Variants in EDA observed in about 807,000 individuals in gnomAD.
EDA encodes ectodysplasin-A.
Under a neutral mutation model 23.6 loss-of-function variants are expected in EDA, and 2 were observed. The ratio of observed to expected loss-of-function variants is 0.08; its 90% CI spans 0.03 to 0.27. The LOEUF (loss-of-function observed/expected upper bound fraction) is 0.27, where lower values mean the gene tolerates loss of function less well. Among genes scored for constraint, EDA ranks in the 10% least tolerant of loss-of-function variants. EDA has a pLI of 1.00. For synonymous variants in EDA, 131 were observed against 132.0 expected (o/e 0.99, Z 0.05); for missense variants, 229 against 324.2 (o/e 0.71, Z 2.26).
chrX:69,833,909 C>G (rs940978878), intron 1 of EDA, among the ~76,000 whole-genome samples: 4 of 107,566 alleles, frequency 3.7e-5, no homozygotes, highest in Non-Finnish European at 7.7e-5. Flanking sequence ...CCCATTAACT[C>G]GTCATTTACA....
intron 1 of EDA, among the ~76,000 whole-genome samples, chrX:69,849,638 C>T (rs1394154868): frequency 8.9e-6 from 1 of 112,138 alleles, no homozygotes; most frequent in Admixed American, 9.5e-5. Context: ...TCATTTGGCA[C>T]TTAACGTATA....
intron 1 of EDA, among the ~76,000 whole-genome samples, chrX:69,709,113 T>C (rs1037521987): frequency 8.9e-6 from 1 of 112,284 alleles, no homozygotes; most frequent in Admixed American, 9.4e-5. Context: ...TTAAAACTCT[T>C]TCACAGATGC....
Position 69,744,258 on chromosome X carries a change from GA to G in EDA, c.396+127557del, listed in dbSNP as rs774002038. ...ACATTATCTCATTTTAATCATCACA[GA>G]AACATTCCAAAATAGGTATTCCAGT... is the stretch of plus-strand genomic sequence containing the variant. On this transcript the variant is annotated intron_variant, in intron 1 of 7. Coordinates refer to ENST00000374552, the MANE Select transcript of EDA (RefSeq NM_001399.5). 4.9e-3 allele frequency among the ~76,000 whole-genome samples: 552 copies of G among 111,869 alleles called. 2 individuals carry two copies. Among genetic ancestry groups the G allele is most frequent in the Middle Eastern group, 9.1e-3 (2 of 219 alleles).
chrX:69,951,643 A>G (rs2018928896), intron 1 of EDA, among the ~76,000 whole-genome samples: 1 of 111,720 alleles, frequency 9.0e-6, no homozygotes, highest in Admixed American at 9.5e-5. Flanking sequence ...AATTTACTCT[A>G]TGTCATGGTA....
intron 1 of EDA, among the ~76,000 whole-genome samples, chrX:69,941,498 G>A (rs1180646385): frequency 9.0e-6 from 1 of 111,283 alleles, no homozygotes; most frequent in African/African-American, 3.3e-5. Flanking sequence ...ATATCCTCTT[G>A]TTGAATTGAC....
chrX:69,653,362 G>A (rs1173258094), intron 1 of EDA, among the ~76,000 whole-genome samples: 1 of 111,445 alleles, frequency 9.0e-6, no homozygotes, highest in East Asian at 2.8e-4. Flanking sequence ...TTATCAGCTT[G>A]AGGAGATTTT....
At chrX:69,682,194 G>A (rs1321114390) in intron 1 of EDA, among the ~76,000 whole-genome samples, 1 of 112,215 alleles carries the variant, frequency 8.9e-6, no homozygotes, top group Non-Finnish European at 1.9e-5. Flanking sequence ...ATCTCCAGCT[G>A]CGTGCTGGGA....
chrX:69,701,118 A>T (rs1292918025), intron 1 of EDA, among the ~76,000 whole-genome samples: 2 of 111,836 alleles, frequency 1.8e-5, no homozygotes, highest in East Asian at 5.6e-4. Flanking sequence ...TATTAATTTT[A>T]AAAAAGCATA....
At chrX:70,018,117 A>G (rs753816523) in intron 2 of EDA, among the ~76,000 whole-genome samples, 42 of 111,941 alleles carry the variant, frequency 3.8e-4, no homozygotes, top group African/African-American at 1.3e-3. Context: ...CAAAAAGAAT[A>G]AAATACCTAG....
chrX:69,865,121 A>G (rs1435851647), intron 1 of EDA, among the ~76,000 whole-genome samples: 3 of 111,296 alleles, frequency 2.7e-5, no homozygotes, highest in Non-Finnish European at 3.8e-5. Flanking sequence ...AGTCTCAGCA[A>G]TAGAATCAAA....
chrX:69,765,020 T>C (rs2014428801), intron 1 of EDA, among the ~76,000 whole-genome samples: 1 of 112,177 alleles, frequency 8.9e-6, no homozygotes, highest in Admixed American at 9.4e-5. Context: ...TTTGGAACAA[T>C]GATTCTTAAA....
chrX:69,776,549 G>A (rs898263002), intron 1 of EDA, among the ~76,000 whole-genome samples: 2 of 111,367 alleles, frequency 1.8e-5, no homozygotes, highest in Non-Finnish European at 3.8e-5. Flanking sequence ...TGGAACTGTA[G>A]TCCATTAAAC....
chrX:69,718,319 G>A (rs193220462), intron 1 of EDA, among the ~76,000 whole-genome samples: 34 of 110,281 alleles, frequency 3.1e-4, no homozygotes, highest in African/African-American at 8.9e-4. Flanking sequence ...TATTGCACTA[G>A]CTAGTACTTC....
chrX:69,946,536 C>T (rs1485515239), intron 1 of EDA, among the ~76,000 whole-genome samples: 1 of 111,901 alleles, frequency 8.9e-6, no homozygotes, highest in Non-Finnish European at 1.9e-5. Flanking sequence ...GAATATCACT[C>T]ATCTTTCCTT....
intron 1 of EDA, among the ~76,000 whole-genome samples, chrX:69,653,468 T>A (rs1292141785): frequency 9.0e-6 from 1 of 111,021 alleles, no homozygotes; most frequent in Non-Finnish European, 1.9e-5. Flanking sequence ...ACCCTTTATT[T>A]CCTTCTCCTG....
chrX:69,741,144 A>G (rs1249391229), intron 1 of EDA, among the ~76,000 whole-genome samples: 1 of 110,398 alleles, frequency 9.1e-6, no homozygotes, highest in Non-Finnish European at 1.9e-5. Flanking sequence ...GAACATATTT[A>G]TAATACTTGC....
intron 1 of EDA, among the ~76,000 whole-genome samples, chrX:69,840,351 G>C (rs767052123): frequency 9.9e-5 from 11 of 110,863 alleles, no homozygotes; most frequent in Non-Finnish European, 2.1e-4. Flanking sequence ...CTTACTTCTT[G>C]TCTATTAGTC....
At chrX:69,938,336 AT>A (rs2018707566) in intron 1 of EDA, among the ~76,000 whole-genome samples, 1 of 112,028 alleles carries the variant, frequency 8.9e-6, no homozygotes, top group Admixed American at 9.4e-5. Flanking sequence ...TGTAGTTTCA[AT>A]TTGCATTTCT....
intron 1 of EDA, among the ~76,000 whole-genome samples, chrX:69,733,666 G>A (rs1036195912): frequency 2.7e-5 from 3 of 111,240 alleles, no homozygotes; most frequent in African/African-American, 9.8e-5. Context: ...GATGGGGATG[G>A]CATTGAATCT....
Sources: gnomAD v4.1 joint callset for allele counts (sites outside exome capture counted in the v4.1 genomes callset) on GRCh38, gnomAD v4.1.1 for gene constraint, MANE v1.5 for transcripts, NCBI Gene and HGNC (gene_info 2026-07-23, HGNC 2026-07-21) for gene names.